Variants in C1S observed in about 807,000 individuals in gnomAD.
C1S encodes complement C1s.
Under a neutral mutation model 54.0 loss-of-function variants are expected in C1S, and 31 were observed. The ratio of observed to expected loss-of-function variants is 0.57; its 90% CI spans 0.43 to 0.78. C1S has a LOEUF of 0.78. Among genes scored for constraint, C1S ranks in the 30% least tolerant of loss-of-function variants. The pLI is 0.00. For synonymous variants in C1S, 292 were observed against 303.6 expected (o/e 0.96, Z 0.40); for missense variants, 727 against 851.8 (o/e 0.85, Z 1.82).
At chr12:7,068,154 G>T (rs1555162601) in intron 10 of C1S, among the ~76,000 whole-genome samples, 3 of 152,234 alleles carry the variant, frequency 2.0e-5, no homozygotes, top group Admixed American at 6.5e-5. Context: ...CATGCTAGGT[G>T]CAGGGCTGAA....
rs1303682515 is a variant in C1S at position 7,066,084 on chromosome 12, C to T, written c.871+114C>T. 4.0e-5 allele frequency: 40 copies of T among 988,034 alleles called. 1 individual carries two copies. Among genetic ancestry groups the T allele is most frequent in the African/African-American group, 1.6e-4 (10 of 62,368 alleles). 61.2% of individuals were successfully genotyped at this position (988,034 alleles called of 1,614,324 possible). A position where few individuals can be genotyped will look rare whatever the true frequency, so the allele number is the denominator to read the frequency against. On this transcript the variant is annotated intron_variant, in intron 7 of 11. Coordinates refer to ENST00000360817, the MANE Select transcript of C1S (RefSeq NM_001734.5). Reference sequence around the variant, plus strand: ...TGGAAGCACCTGTGATCTCAGCTACCGAGGGAGGCTGAGGCAGGAGGATCC... The same window carrying T: ...TGGAAGCACCTGTGATCTCAGCTACTGAGGGAGGCTGAGGCAGGAGGATCC...
chr12:7,068,571 G>C, intron 11 of C1S, 41 bp downstream of exon 11: 1 of 1,335,134 alleles, frequency 7.5e-7, no homozygotes. Flanking sequence ...ATAGCCATGG[G>C]TGACTGGGAG....
chr12:7,068,390 G>A lies in C1S; in HGVS notation c.1196-66G>A, dbSNP rs148752945. On this transcript the variant is annotated intron_variant, in intron 10 of 11. Coordinates refer to ENST00000360817, the MANE Select transcript of C1S (RefSeq NM_001734.5). Reference sequence around the variant, plus strand: ...AGGAACGGGGCAGGGTGTTGGGGTCGGAGGGGGGAATGGAAGAAGGAAGAT... The same window carrying A: ...AGGAACGGGGCAGGGTGTTGGGGTCAGAGGGGGGAATGGAAGAAGGAAGAT... 8.2e-5 allele frequency: 96 copies of A among 1,175,728 alleles called. No individual in the cohort carries two copies. In the African/African-American group the frequency reaches 8.7e-4, roughly 11 times the overall value. The allele number at this position is 1,175,728 out of a possible 1,614,324, so 72.8% of individuals were successfully genotyped here.
chr12:7,066,856 A>C lies in C1S; in HGVS notation c.988-183A>C, dbSNP rs1318551696. ...CAGTCTTCTTGAGGAAGGGGAGTTG[A>C]CACGTTGGGGCAAAGCTTTCTGTCA... On this transcript the variant is annotated intron_variant, in intron 8 of 11. Transcript: ENST00000360817. 9.9e-6 allele frequency: 7 copies of C among 708,540 alleles called. No homozygotes were observed. In the African/African-American group the frequency reaches 1.2e-4, roughly 12 times the overall value. 43.9% of individuals were successfully genotyped at this position (708,540 alleles called of 1,614,324 possible). A position where few individuals can be genotyped will look rare whatever the true frequency, so the allele number is the denominator to read the frequency against.
Position 7,062,107 on chromosome 12 carries a change from T to TA in C1S, c.5+204dup, listed in dbSNP as rs376183132. ...CAACATAAGGAGACCCTGTCTCTATTAAAAAAAAAAAAAATTAGCCCAGCG... is the reference window on the plus strand; with the variant it reads ...CAACATAAGGAGACCCTGTCTCTATTAAAAAAAAAAAAAAATTAGCCCAGCG... On this transcript the variant is annotated intron_variant, in intron 2 of 11. Transcript: ENST00000360817. The TA allele has an allele frequency of 0.1, 51,882 of 516,112 alleles. 2,018 individuals are homozygous for TA. Among genetic ancestry groups the TA allele is most frequent in the African/African-American group, 0.3 (14,716 of 48,770 alleles). The allele number at this position is 516,112 out of a possible 1,614,324, so 32.0% of individuals were successfully genotyped here.
chr12:7,063,978 G>A lies in C1S; in HGVS notation c.392-289G>A, dbSNP rs782793054. On this transcript the variant is annotated intron_variant, in intron 4 of 11. Coordinates refer to ENST00000360817, the MANE Select transcript of C1S (RefSeq NM_001734.5). The stretch of plus-strand genomic sequence containing the variant: ...TGCTTGAAAATGTGGAGGTTGCAGT[G>A]AGCCAAGATCCCACCACTGCACTCC... 114 of 502,284 alleles carry A rather than the reference G, an allele frequency of 2.3e-4. 1 individual carries two copies. The highest frequency in any genetic ancestry group is 3.9e-4 in the Non-Finnish European group (100 of 256,964). 31.1% of individuals were successfully genotyped at this position (502,284 alleles called of 1,614,324 possible).
rs782540872 is a variant in C1S at position 7,066,507 on chromosome 12, G to C, written c.872-11G>C. The C allele has an allele frequency of 3.7e-5, 57 of 1,537,478 alleles. No individual in the cohort carries two copies. The highest frequency in any genetic ancestry group is 4.7e-5 in the Non-Finnish European group (52 of 1,110,160). On this transcript the variant is annotated splice_polypyrimidine_tract_variant and intron_variant, in intron 7 of 11. Coordinates refer to ENST00000360817, the MANE Select transcript of C1S (RefSeq NM_001734.5). Reference sequence around the variant, plus strand: ...ATTTTTTCCTCCTGTCCCAACTTCTGTTCTTTCAAGCAATGCCCTGCCCTA... The same window carrying C: ...ATTTTTTCCTCCTGTCCCAACTTCTCTTCTTTCAAGCAATGCCCTGCCCTA...
chr12:7,068,633 C>A (rs1937744649), intron 11 of C1S, 103 bp downstream of exon 11: 4 of 834,244 alleles, frequency 4.8e-6, no homozygotes, highest in Non-Finnish European at 8.1e-6. Flanking sequence ...GAACAGTGAC[C>A]TGCCAGAGTC....
rs782242798 is a variant in C1S at position 7,064,100 on chromosome 12, T to C, written c.392-167T>C. 28 of 773,862 alleles carry C rather than the reference T, an allele frequency of 3.6e-5. No homozygotes were observed. The African/African-American group carries it at 4.1e-4, about 11-fold the overall frequency. 47.9% of individuals were successfully genotyped at this position (773,862 alleles called of 1,614,324 possible). ...GGTAGGGCTCAACTCTGGAATCATATGTCAGGAGAGTAATATGGAATAATA... is the reference window on the plus strand; with the variant it reads ...GGTAGGGCTCAACTCTGGAATCATACGTCAGGAGAGTAATATGGAATAATA... On this transcript the variant is annotated intron_variant, in intron 4 of 11. Coordinates refer to ENST00000360817, the MANE Select transcript of C1S (RefSeq NM_001734.5).
chr12:7,061,098 T>C (rs1947082137), intron 1 of C1S: 1 of 152,454 alleles, frequency 6.6e-6, no homozygotes, highest in Non-Finnish European at 1.5e-5. Flanking sequence ...TTAGCAACCC[T>C]TTACTAGGAA....
At chr12:7,067,216 G>A (rs1374050801) in intron 9 of C1S, 99 bp downstream of exon 9, 2 of 900,956 alleles carry the variant, frequency 2.2e-6, no homozygotes, top group South Asian at 2.7e-5. Flanking sequence ...TCTTAGGCAT[G>A]TGAGGGAGTG....
Position 7,062,593 on chromosome 12 carries a change from A to G in C1S, c.124A>G (p.Ile42Val), listed in dbSNP as rs781944012. The G allele has an allele frequency of 3.7e-5, 59 of 1,614,066 alleles. No homozygotes were observed. In the Admixed American group the frequency reaches 5.2e-4, roughly 14 times the overall value. Residue 42 changes from isoleucine to valine, a missense_variant, in exon 3 of 12, where the codon ATA becomes GTA. Transcript: ENST00000360817. ...YPSEVEKSWD[I>V]EVPEGYGIHL... ...CAGTGAGGTAGAGAAATCTTGGGAC[A>G]TAGAAGTTCCTGAAGGGTATGGGAT...
chr12:7,062,303 C>G, intron 2 of C1S, 172 bp from the exon 3 acceptor site: 1 of 634,472 alleles, frequency 1.6e-6, no homozygotes, highest in Non-Finnish European at 2.8e-6. Flanking sequence ...TTGTCTGAAG[C>G]CTGGGTTTTG....
intron 6 of C1S, 50 bp downstream of exon 6, chr12:7,065,349 T>C: frequency 6.9e-7 from 1 of 1,457,068 alleles, no homozygotes; most frequent in Non-Finnish European, 9.6e-7. Flanking sequence ...CAGAGAGATC[T>C]CTCCCTGAAG....
At chr12:7,068,259 T>C (rs1406305458) in intron 10 of C1S, among the ~76,000 whole-genome samples, 197 bp from the exon 11 acceptor site, 1 of 152,210 alleles carries the variant, frequency 6.6e-6, no homozygotes, top group Non-Finnish European at 1.5e-5. Context: ...TCCCTTTGTC[T>C]CCCTGGCAGG....
chr12:7,064,260 T>C lies in C1S; in HGVS notation c.392-7T>C. 6.2e-7 allele frequency: 1 copy of C among 1,614,044 alleles called. No homozygotes were observed. The highest frequency in any genetic ancestry group is 8.5e-7 in the Non-Finnish European group (1 of 1,179,892). ...TCTTGACCTCAGCCTCTTTCTACTCTTTGTAGACATAAATGAATGCACAGA... is the reference window on the plus strand; with the variant it reads ...TCTTGACCTCAGCCTCTTTCTACTCCTTGTAGACATAAATGAATGCACAGA... On this transcript the variant is annotated splice_polypyrimidine_tract_variant and splice_region_variant and intron_variant, in intron 4 of 11. Coordinates refer to ENST00000360817, the MANE Select transcript of C1S (RefSeq NM_001734.5).
In C1S at chr12:7,070,778, A is replaced by T; in HGVS notation, c.*127A>T. On this transcript the variant is annotated 3_prime_UTR_variant, in exon 12 of 12. Coordinates refer to ENST00000360817, the MANE Select transcript of C1S (RefSeq NM_001734.5). The surrounding 1 kb of genome is among the most constrained non-coding windows in gnomAD (Gnocchi z 4.9). ...GAGCGAATGATTTAAATAGAACTTG[A>T]TTGTTGAGACGCCTTGCTAGAGGTA... 1 of 852,746 alleles carries T rather than the reference A, an allele frequency of 1.2e-6. No homozygotes were observed. The highest frequency in any genetic ancestry group is 1.9e-6 in the Non-Finnish European group (1 of 514,512). The allele number at this position is 852,746 out of a possible 1,614,324, so 52.8% of individuals were successfully genotyped here.
chr12:7,062,320 C>A (rs1187600400), intron 2 of C1S, 155 bp from the exon 3 acceptor site: 15 of 685,478 alleles, frequency 2.2e-5, no homozygotes, highest in African/African-American at 3.7e-5. Context: ...TTTGGTTTGA[C>A]CTGGGCCTTT....
chr12:7,065,166 C>T lies in C1S; in HGVS notation c.584C>T (p.Pro195Leu), dbSNP rs782276615. 2 of 1,613,944 alleles carry T rather than the reference C, an allele frequency of 1.2e-6. No homozygotes were observed. Among genetic ancestry groups the T allele is most frequent in the Non-Finnish European group, 1.7e-6 (2 of 1,179,964 alleles). The change falls in exon 6 of 12, where the codon CCA becomes CTA. Residue 195 changes from proline to leucine, a missense_variant. Pro to Leu is a moderately conservative substitution (Grantham distance 98). Transcript: ENST00000360817. ...ATTGCAAGTCCCAATTATCCCAAAC[C>T]ATATCCAGAGAACTCAAGGTGTGAA... Reference protein sequence around the residue: ...GEIASPNYPKPYPENSRCEYQ... With the variant: ...GEIASPNYPKLYPENSRCEYQ...
Sources: allele counts gnomAD v4.1 joint callset (sites outside exome capture counted in the v4.1 genomes callset), GRCh38; gene constraint gnomAD v4.1.1; non-coding constraint Gnocchi (gnomAD v3.1); transcripts MANE v1.5; gene names NCBI Gene and HGNC (gene_info 2026-07-23, HGNC 2026-07-21).